Variants in ANKRD29 observed in about 807,000 individuals in gnomAD.
ANKRD29 encodes ankyrin repeat domain-containing protein 29.
Under a neutral mutation model 38.0 loss-of-function variants are expected in ANKRD29, and 32 were observed. The ratio of observed to expected loss-of-function variants is 0.84; its 90% CI spans 0.64 to 1.13. The LOEUF is 1.13. Among genes scored for constraint, ANKRD29 ranks in the 50% most tolerant of loss-of-function variants. ANKRD29 has a pLI of 0.00. For missense variants in ANKRD29, 357 were observed against 377.9 expected, an observed-to-expected ratio of 0.94 and a Z score of 0.46; for synonymous variants, 135 against 152.4, an observed-to-expected ratio of 0.89 and a Z score of 0.84.
At chr18:23,615,199 G>A (rs1223367112) in intron 8 of ANKRD29, among the ~76,000 whole-genome samples, 1 of 152,050 alleles carries the variant, frequency 6.6e-6, no homozygotes, top group Admixed American at 6.6e-5. Flanking sequence ...TGTAGAGATA[G>A]GGTCTTACTA....
In ANKRD29 at chr18:23,603,721, T is replaced by C. The variant is rs192869224; in HGVS notation, c.823-2412A>G. On this transcript the variant is annotated intron_variant, in intron 9 of 9. Transcript: ENST00000592179. ...AAGGTCATAGTGGTAGATACCTTGT[T>C]CTTTCAAGTAAAAATAGTGATCTAT... Among the ~76,000 whole-genome samples the C allele has an allele frequency of 3.3e-3, 501 of 152,314 alleles. 2 individuals are homozygous for C. The highest frequency in any genetic ancestry group is 5.1e-3 in the Non-Finnish European group (347 of 68,026).
At chr18:23,605,030 C>T (rs1464821961) in intron 9 of ANKRD29, among the ~76,000 whole-genome samples, 1 of 152,090 alleles carries the variant, frequency 6.6e-6, no homozygotes, top group African/African-American at 2.4e-5. Context: ...AAGTGATTCT[C>T]CTGCTTCAGC....
chr18:23,625,025 C>T (rs796738352), intron 6 of ANKRD29, among the ~76,000 whole-genome samples: 12 of 152,290 alleles, frequency 7.9e-5, no homozygotes, highest in African/African-American at 2.4e-4. Flanking sequence ...TTTGCTTCTA[C>T]GATTTCCAGC....
chr18:23,652,245 T>G (rs2060219039), intron 1 of ANKRD29, among the ~76,000 whole-genome samples: 1 of 152,204 alleles, frequency 6.6e-6, no homozygotes, highest in South Asian at 2.1e-4. Flanking sequence ...TGGCGTATCT[T>G]CTGCATACAC....
At chr18:23,649,499 T>C (rs1299364036) in intron 1 of ANKRD29, 3 of 591,292 alleles carry the variant, frequency 5.1e-6, no homozygotes, top group Non-Finnish European at 9.5e-6. Context: ...GTTTCCTTTT[T>C]GCTTGAAATG....
chr18:23,633,680 C>T (rs1017091454), intron 5 of ANKRD29, among the ~76,000 whole-genome samples: 1 of 152,088 alleles, frequency 6.6e-6, no homozygotes, highest in Non-Finnish European at 1.5e-5. Context: ...AAGCGATTCT[C>T]CTGCCTCAGC....
In ANKRD29 at chr18:23,612,096, T is replaced by C; in HGVS notation, c.818A>G (p.Asn273Ser). The C allele has an allele frequency of 6.2e-7, 1 of 1,613,366 alleles. No homozygotes were observed. Among genetic ancestry groups the C allele is most frequent in the Non-Finnish European group, 8.5e-7 (1 of 1,179,942 alleles). Residue 273 changes from asparagine to serine, a missense_variant, in exon 9 of 10, where the codon AAC becomes AGC. Asn to Ser is a conservative substitution (Grantham distance 46). Coordinates refer to ENST00000592179, the MANE Select transcript of ANKRD29 (RefSeq NM_173505.4). ...LEAGADPSLR[N>S]KANELPAELT... The stretch of plus-strand genomic sequence containing the variant: ...AAAAGATTGCTTAGTGGGTACCTTG[T>C]TTCTCAGGGATGGGTCTGCCCCTGC...
chr18:23,603,671 AG>A (rs1282411355), intron 9 of ANKRD29, among the ~76,000 whole-genome samples: 1 of 152,124 alleles, frequency 6.6e-6, no homozygotes, highest in African/African-American at 2.4e-5. Flanking sequence ...CCATCAGAAA[AG>A]CCTTTAAGTT....
At chr18:23,642,036 T>C (rs1409814161) in intron 3 of ANKRD29, among the ~76,000 whole-genome samples, 1 of 152,156 alleles carries the variant, frequency 6.6e-6, no homozygotes, top group East Asian at 1.9e-4. Flanking sequence ...TAGGATGACC[T>C]GCCTGCAGAA....
chr18:23,660,921 C>T (rs541385282), intron 1 of ANKRD29, among the ~76,000 whole-genome samples: 1 of 152,354 alleles, frequency 6.6e-6, no homozygotes, highest in East Asian at 1.9e-4. Context: ...GGCTCCTGAT[C>T]CTAACACCAC....
intron 5 of ANKRD29, among the ~76,000 whole-genome samples, chr18:23,630,947 A>C (rs1342269500): frequency 6.8e-6 from 1 of 147,876 alleles, no homozygotes; most frequent in African/African-American, 2.5e-5. Context: ...AGGCTTAGGG[A>C]ACAAAGTGAG....
At chr18:23,621,104 G>C (rs1396813204) in intron 6 of ANKRD29, among the ~76,000 whole-genome samples, 1 of 152,230 alleles carries the variant, frequency 6.6e-6, no homozygotes, top group Non-Finnish European at 1.5e-5. Context: ...GAGAAAGGCA[G>C]GAGGGAGCAG....
rs540759690 is a variant in ANKRD29 at position 23,614,235 on chromosome 18, T to C, written c.724-2045A>G. On this transcript the variant is annotated intron_variant, in intron 8 of 9. Transcript: ENST00000592179. ...CACCACCACTCTTGGCTTATTTTTG[T>C]ATTTTTAGTAGAGACGGGGTTTCAC... Among the ~76,000 whole-genome samples the C allele has an allele frequency of 7.9e-5, 12 of 151,986 alleles. 1 individual carries two copies. In the South Asian group the frequency reaches 1.5e-3, roughly 18 times the overall value.
intron 8 of ANKRD29, among the ~76,000 whole-genome samples, chr18:23,615,815 G>A (rs1266791905): frequency 6.6e-6 from 1 of 150,858 alleles, no homozygotes; most frequent in East Asian, 1.9e-4. Context: ...TTGCTATCTG[G>A]TAACAGTAAT....
At chr18:23,639,075 G>A in intron 3 of ANKRD29, 128 bp from the exon 4 acceptor site, 2 of 601,236 alleles carry the variant, frequency 3.3e-6, no homozygotes, top group Middle Eastern at 2.9e-4. Flanking sequence ...GGCTAAATTT[G>A]AACAGATTCT....
chr18:23,600,981 G>C lies in ANKRD29; in HGVS notation c.*245C>G, dbSNP rs964277208. On this transcript the variant is annotated 3_prime_UTR_variant, in exon 10 of 10. Transcript: ENST00000592179. ...TCTGTGGAATCTGTGAACATGCCAG[G>C]CCCCCCGGGAGATGAGTTACAGGAC... 4 of 353,214 alleles carry C rather than the reference G, an allele frequency of 1.1e-5. No homozygotes were observed. Among genetic ancestry groups the C allele is most frequent in the East Asian group, 4.8e-5 (1 of 20,714 alleles). 21.9% of individuals were successfully genotyped at this position (353,214 alleles called of 1,614,324 possible). A position where few individuals can be genotyped will look rare whatever the true frequency, so the allele number is the denominator to read the frequency against.
In ANKRD29 at chr18:23,646,158, C is replaced by A; in HGVS notation, c.231+31G>T. 2.5e-6 allele frequency: 4 copies of A among 1,602,920 alleles called. No individual in the cohort carries two copies. The South Asian group carries it at 4.4e-5, about 18-fold the overall frequency. ...AAAACTTCAGATCTCTGAGCCTGGT[C>A]ATTTTTCTTCAAGTGCAAAGCCTGA... On this transcript the variant is annotated intron_variant, in intron 3 of 9. Transcript: ENST00000592179.
At chr18:23,649,537 G>A (rs1488445065) in intron 1 of ANKRD29, 1 of 516,126 alleles carries the variant, frequency 1.9e-6, no homozygotes, top group Non-Finnish European at 3.7e-6. Context: ...CAAGGCCAAG[G>A]CTCTGCTCGA....
At chr18:23,628,920 C>A (rs1306168377) in intron 6 of ANKRD29, among the ~76,000 whole-genome samples, 1 of 151,768 alleles carries the variant, frequency 6.6e-6, no homozygotes, top group East Asian at 1.9e-4. Flanking sequence ...TTGGAAGGTT[C>A]TTCACTGTTT....
Sources: allele counts gnomAD v4.1 joint callset (sites outside exome capture counted in the v4.1 genomes callset), GRCh38; gene constraint gnomAD v4.1.1; transcripts MANE v1.5; gene names NCBI Gene and HGNC (gene_info 2026-07-23, HGNC 2026-07-21).